The following PTPRG variants were observed in gnomAD, a reference collection of about 807,000 sequenced individuals.
PTPRG encodes the protein protein tyrosine phosphatase receptor type G, also known as receptor-type tyrosine-protein phosphatase gamma.
A neutral mutation model predicts 165.3 loss-of-function variants in PTPRG; 102 were observed. That is an observed-to-expected ratio of 0.62 (90% CI 0.53 to 0.73). The LOEUF (loss-of-function observed/expected upper bound fraction) is 0.73. Among genes scored for constraint, PTPRG ranks in the 30% least tolerant of loss-of-function variants. The pLI is 0.00. For missense variants in PTPRG, 1,866 were observed against 1,861.4 expected (o/e 1.00, Z -0.05); for synonymous variants, 675 against 669.5 (o/e 1.01, Z -0.13).
At chr3:61,806,877 C>A (rs1044409163) in intron 2 of PTPRG, among the ~76,000 whole-genome samples, 2 of 152,130 alleles carry the variant, frequency 1.3e-5, no homozygotes, top group Admixed American at 1.3e-4. Context: ...GGCTTGTGTA[C>A]CCCTCTAAGT....
At chr3:61,959,713 C>T (rs145714643) in intron 2 of PTPRG, among the ~76,000 whole-genome samples, 1 of 152,144 alleles carries the variant, frequency 6.6e-6, no homozygotes, top group South Asian at 2.1e-4. Flanking sequence ...TTGTGGTTTT[C>T]TTTTCAAAAT....
At chr3:61,565,368 A>G (rs917164120) in intron 1 of PTPRG, among the ~76,000 whole-genome samples, 20 of 152,170 alleles carry the variant, frequency 1.3e-4, no homozygotes, top group African/African-American at 4.8e-4. Flanking sequence ...CACTGTAGAA[A>G]CGTTTACAAA....
At chr3:62,236,520 G>A (rs1202183377) in intron 14 of PTPRG, among the ~76,000 whole-genome samples, 2 of 152,192 alleles carry the variant, frequency 1.3e-5, no homozygotes, top group African/African-American at 4.8e-5. Flanking sequence ...GTATGCTACT[G>A]TAAATTTAAA....
At chr3:62,013,421 G>T (rs1180088105) in intron 4 of PTPRG, among the ~76,000 whole-genome samples, 1 of 151,978 alleles carries the variant, frequency 6.6e-6, no homozygotes, top group African/African-American at 2.4e-5. Context: ...CTCTTCCAAC[G>T]GCGGCAACAA....
intron 2 of PTPRG, among the ~76,000 whole-genome samples, chr3:61,836,052 C>A (rs1305209171): frequency 3.8e-5 from 1 of 26,018 alleles, no homozygotes; most frequent in Non-Finnish European, 6.8e-5. Flanking sequence ...CCCCCCGCGC[C>A]CCCCCCCACC....
chr3:61,682,823 G>A (rs1385597257), intron 1 of PTPRG, among the ~76,000 whole-genome samples: 1 of 152,210 alleles, frequency 6.6e-6, no homozygotes. Context: ...GGAATAAACA[G>A]CAGTGGCGGA....
chr3:62,269,480 T>G lies in PTPRG; in HGVS notation c.3009+311T>G, dbSNP rs571764222. ...GCAGCATCTGTTTGATTTAGCTTTTTTATTCCAATTTTCTGACAGATATAA... is the reference window on the plus strand; with the variant it reads ...GCAGCATCTGTTTGATTTAGCTTTTGTATTCCAATTTTCTGACAGATATAA... On this transcript the variant is annotated intron_variant, in intron 20 of 29. Transcript: ENST00000474889. 5.9e-5 allele frequency among the ~76,000 whole-genome samples: 9 copies of G among 152,274 alleles called. No homozygotes were observed. In the South Asian group the frequency reaches 1.9e-3, roughly 32 times the overall value.
At chr3:61,814,384 TGG>T (rs1559626712) in intron 2 of PTPRG, among the ~76,000 whole-genome samples, 2 of 152,180 alleles carry the variant, frequency 1.3e-5, no homozygotes, top group African/African-American at 4.8e-5. Flanking sequence ...CAAGAACAGC[TGG>T]AAGGACAGAC....
chr3:62,041,334 C>A (rs1700121026), intron 4 of PTPRG, among the ~76,000 whole-genome samples: 1 of 152,122 alleles, frequency 6.6e-6, no homozygotes, highest in South Asian at 2.1e-4. Flanking sequence ...TTGTTTCTTA[C>A]CTCGTAGTAC....
intron 2 of PTPRG, among the ~76,000 whole-genome samples, chr3:61,957,553 A>G (rs916994922): frequency 6.6e-6 from 1 of 152,196 alleles, no homozygotes; most frequent in Non-Finnish European, 1.5e-5. Flanking sequence ...CTGCTGTTGT[A>G]ATTGCCAGCT....
At chr3:61,788,892 G>T (rs1363114474) in intron 2 of PTPRG, among the ~76,000 whole-genome samples, 1 of 152,108 alleles carries the variant, frequency 6.6e-6, no homozygotes, top group Non-Finnish European at 1.5e-5. Context: ...CTAGATGAAG[G>T]CTCCTCTTGC....
intron 2 of PTPRG, among the ~76,000 whole-genome samples, chr3:61,884,467 A>T (rs528437144): frequency 3.3e-5 from 5 of 152,218 alleles, no homozygotes; most frequent in Non-Finnish European, 7.3e-5. Context: ...AGTCATGTGG[A>T]GGAAAGTTTT....
At chr3:61,599,027 T>TGG (rs1401367967) in intron 1 of PTPRG, among the ~76,000 whole-genome samples, 6 of 152,304 alleles carry the variant, frequency 3.9e-5, no homozygotes, top group Non-Finnish European at 8.8e-5. Context: ...CACATACAGA[T>TGG]GGATAGGAAG....
intron 1 of PTPRG, among the ~76,000 whole-genome samples, chr3:61,641,545 G>A (rs1338268292): frequency 1.3e-5 from 2 of 152,184 alleles, no homozygotes; most frequent in African/African-American, 4.8e-5. Flanking sequence ...CACCGAGTTA[G>A]TTCTGACTCT....
At chr3:61,637,126 C>T (rs1375270322) in intron 1 of PTPRG, among the ~76,000 whole-genome samples, 2 of 152,162 alleles carry the variant, frequency 1.3e-5, no homozygotes, top group African/African-American at 4.8e-5. Flanking sequence ...CGGACTAACA[C>T]ATTTTTATAT....
At position 62,203,002 on chromosome 3, in the gene PTPRG, T is replaced by C. The variant is rs1700130859; in HGVS notation, c.1378-171T>C. Among the ~76,000 whole-genome samples, 1 of 152,220 alleles carries C rather than the reference T, an allele frequency of 6.6e-6. No individual in the cohort carries two copies. The highest frequency in any genetic ancestry group is 1.9e-4 in the East Asian group (1 of 5,194). ...ATTAAAAATAAAAGTTGATCACCCA[T>C]GGACCACCTAATGTCAACTTTATGC... is the stretch of plus-strand genomic sequence containing the variant. On this transcript the variant is annotated intron_variant, in intron 11 of 29. Coordinates refer to ENST00000474889, the MANE Select transcript of PTPRG (RefSeq NM_002841.4). The surrounding 1 kb of genome is among the most constrained non-coding windows in gnomAD (Gnocchi z 6.4).
chr3:61,810,989 A>T (rs1361741855), intron 2 of PTPRG, among the ~76,000 whole-genome samples: 1 of 152,120 alleles, frequency 6.6e-6, no homozygotes, highest in Non-Finnish European at 1.5e-5. Flanking sequence ...CCAGGAGGGC[A>T]GGTTAGGGTG....
intron 5 of PTPRG, chr3:62,124,480 G>A: frequency 6.2e-7 from 1 of 1,610,808 alleles, no homozygotes; most frequent in East Asian, 2.2e-5. Flanking sequence ...TGAGCTTGGA[G>A]TAGCAGTCAT....
chr3:62,128,545 G>A (rs17066159), intron 5 of PTPRG, among the ~76,000 whole-genome samples: 25,913 of 151,350 alleles, frequency 0.17, 2,405 homozygotes, highest in East Asian at 0.31. Context: ...CTTGTTGCCC[G>A]GTGTTATTGT....
Sources: allele counts gnomAD v4.1 joint callset (sites outside exome capture counted in the v4.1 genomes callset), GRCh38; gene constraint gnomAD v4.1.1; non-coding constraint Gnocchi (gnomAD v3.1); transcripts MANE v1.5; gene names NCBI Gene and HGNC (gene_info 2026-07-23, HGNC 2026-07-21).